Variants in PCLO observed in about 807,000 individuals in gnomAD.
PCLO encodes the protein protein piccolo.
PCLO carries 82 observed loss-of-function variants against 427.5 expected under a neutral mutation model. The ratio of observed to expected loss-of-function variants is 0.19; its 90% CI spans 0.16 to 0.23. The LOEUF is 0.23. Ranked by LOEUF, PCLO falls within the 10% of genes least tolerant of loss-of-function variation. The pLI is 1.00. For missense variants in PCLO, 6,239 were observed against 6,115.9 expected (o/e 1.02, Z -0.67); for synonymous variants, 2,357 against 2,155.4 (o/e 1.09, Z -2.59).
At chr7:82,862,182 A>G (rs1422498012) in intron 10 of PCLO, among the ~76,000 whole-genome samples, 2 of 152,054 alleles carry the variant, frequency 1.3e-5, no homozygotes, top group Non-Finnish European at 2.9e-5. Flanking sequence ...GTTTTTTGAA[A>G]CAGATATATG....
chr7:82,949,959 C>T lies in PCLO; in HGVS notation c.10629G>A (p.Val3543=). 1.9e-6 allele frequency: 3 copies of T among 1,613,556 alleles called. No homozygotes were observed. Among genetic ancestry groups the T allele is most frequent in the Non-Finnish European group, 2.5e-6 (3 of 1,179,798 alleles). The change falls in exon 6 of 25, where the codon GTG becomes GTA. Residue 3543 remains valine, a synonymous_variant. Transcript: ENST00000333891. The part of the protein sequence containing the change: ...TIRTPSIRAR[V]DAKVEIIKHI... ...GTTTAATTATTTCTACCTTGGCATC[C>T]ACTCGTGCCCGTATGGAGGGTGTTC...
rs757000211 is a variant in PCLO at position 82,953,565 on chromosome 7, TCTAGAGTAGTAACAG to T, written c.7373_7387del (p.Ala2458_Leu2462del). On this transcript the variant is annotated inframe_deletion, in exon 5 of 25. Coordinates refer to ENST00000333891, the MANE Select transcript of PCLO (RefSeq NM_033026.6). Reference sequence around the variant, plus strand: ...ATTACTTCTCAGAACAGCTGTGGTCTCTAGAGTAGTAACAGCATCAAACAGAGGTGTAGCTGTAGT... The same window carrying T: ...ATTACTTCTCAGAACAGCTGTGGTCTCATCAAACAGAGGTGTAGCTGTAGT... The T allele has an allele frequency of 8.7e-6, 14 of 1,612,914 alleles. No homozygotes were observed. The South Asian group carries it at 1.5e-4, about 18-fold the overall frequency.
At position 83,134,903 on chromosome 7, in the gene PCLO, G is replaced by C. The variant is rs1182209599; in HGVS notation, c.2647C>G (p.Pro883Ala). Reference protein sequence around the residue: ...KGSPTPPGPRPTAGQTVPTPQ... With the variant: ...KGSPTPPGPRATAGQTVPTPQ... ...GTGGGGACAGTTTGGCCAGCGGTAG[G>C]TCGTGGGCCAGGGGGTGTTGGTGAC... Residue 883 changes from proline to alanine, a missense_variant, in exon 3 of 25, where the codon CCT becomes GCT. Physicochemically the swap from Pro to Ala is conservative, Grantham distance 27 (BLOSUM62 -1). Around this residue, in one of 5 missense-constraint regions of PCLO, gnomAD observed 4,677 missense variants for 4,468.4 expected, o/e 1.05. Transcript: ENST00000333891. 1.9e-6 allele frequency: 3 copies of C among 1,603,148 alleles called. No homozygotes were observed. The East Asian group carries it at 6.7e-5, about 36-fold the overall frequency.
intron 3 of PCLO, among the ~76,000 whole-genome samples, chr7:82,988,262 C>G (rs1796299045): frequency 6.6e-6 from 1 of 151,988 alleles, no homozygotes; most frequent in South Asian, 2.1e-4. Flanking sequence ...ACTCCTGACT[C>G]AAGCCATCCT....
At chr7:82,965,660 T>G in intron 4 of PCLO, 111 bp downstream of exon 4, 1 of 662,440 alleles carries the variant, frequency 1.5e-6, no homozygotes, top group Non-Finnish European at 2.5e-6. Context: ...ATGTCATTCA[T>G]TGTTTGAGGA....
intron 3 of PCLO, among the ~76,000 whole-genome samples, chr7:83,064,900 G>A (rs1215151613): frequency 6.6e-6 from 1 of 151,824 alleles, no homozygotes; most frequent in African/African-American, 2.4e-5. Context: ...TTTCTCCAAA[G>A]GGAACAATAA....
At chr7:83,071,844 T>A (rs1024139534) in intron 3 of PCLO, among the ~76,000 whole-genome samples, 1 of 152,288 alleles carries the variant, frequency 6.6e-6, no homozygotes, top group African/African-American at 2.4e-5. Flanking sequence ...AAGAAAATAC[T>A]CTTCAAAGAA....
Position 83,086,450 on chromosome 7 carries a change from C to A in PCLO, c.3300+47800G>T, listed in dbSNP as rs150941819. ...ACTAAATAAAGGGGGTGAAAAACTT[C>A]CTTATTGATAATGACAGGTAAAACC... On this transcript the variant is annotated intron_variant, in intron 3 of 24. Transcript: ENST00000333891. 9.2e-5 allele frequency among the ~76,000 whole-genome samples: 14 copies of A among 151,840 alleles called. No homozygotes were observed. The East Asian group carries it at 2.7e-3, about 30-fold the overall frequency.
chr7:83,038,794 G>A (rs920398010), intron 3 of PCLO, among the ~76,000 whole-genome samples: 7 of 151,980 alleles, frequency 4.6e-5, no homozygotes, highest in African/African-American at 1.7e-4. Context: ...GTCATTTGAA[G>A]AACTGTCAGA....
chr7:83,102,038 T>C (rs1284456665), intron 3 of PCLO, among the ~76,000 whole-genome samples: 4 of 152,048 alleles, frequency 2.6e-5, no homozygotes, highest in Non-Finnish European at 5.9e-5. Context: ...AACGTTTTTG[T>C]TAGAGTTGAA....
At chr7:82,909,092 C>G (rs939162313) in intron 7 of PCLO, 79 bp from the exon 8 acceptor site, 39 of 1,337,452 alleles carry the variant, frequency 2.9e-5, no homozygotes, top group Non-Finnish European at 4.0e-5. Flanking sequence ...TTCTGTAGTA[C>G]TAGCATGCAC....
chr7:83,004,894 T>C (rs1787910429), intron 3 of PCLO, among the ~76,000 whole-genome samples: 1 of 151,534 alleles, frequency 6.6e-6, no homozygotes, highest in Admixed American at 6.6e-5. Flanking sequence ...TTATAAGTCA[T>C]ACAAGTAAAT....
intron 1 of PCLO, among the ~76,000 whole-genome samples, chr7:83,158,372 A>G (rs1584101849): frequency 6.6e-6 from 1 of 152,060 alleles, no homozygotes; most frequent in African/African-American, 2.4e-5. Context: ...TAAATCTTCT[A>G]TATTTACTTA....
intron 3 of PCLO, among the ~76,000 whole-genome samples, chr7:83,025,955 C>T (rs1359638607): frequency 6.6e-6 from 1 of 151,834 alleles, no homozygotes; most frequent in Non-Finnish European, 1.5e-5. Flanking sequence ...CTGAAGGAAG[C>T]GCTAAACATG....
At chr7:82,939,816 TC>T (rs1478409081) in intron 6 of PCLO, among the ~76,000 whole-genome samples, 3 of 150,890 alleles carry the variant, frequency 2.0e-5, no homozygotes, top group Non-Finnish European at 4.4e-5. Context: ...GTGAAATAGC[TC>T]CCTTAAAATT....
At chr7:82,917,679 C>T (rs879652934) in intron 6 of PCLO, among the ~76,000 whole-genome samples, 2 of 151,934 alleles carry the variant, frequency 1.3e-5, no homozygotes, top group Non-Finnish European at 2.9e-5. Flanking sequence ...TTCAATTTAC[C>T]TAAGTATTCA....
intron 5 of PCLO, among the ~76,000 whole-genome samples, 161 bp from the exon 6 acceptor site, chr7:82,951,651 C>T (rs1349972680): frequency 1.4e-5 from 2 of 146,634 alleles, no homozygotes; most frequent in African/African-American, 2.8e-5. Flanking sequence ...AACATGCAGG[C>T]GCATGCAGTG....
intron 6 of PCLO, among the ~76,000 whole-genome samples, chr7:82,946,592 T>TA (rs769589504): frequency 8.6e-4 from 131 of 151,970 alleles, no homozygotes; most frequent in Non-Finnish European, 1.5e-3. Flanking sequence ...TCTGGGGAGA[T>TA]AGAGGCACAG....
chr7:82,924,434 G>GAACTGTATTTATTA (rs1325855715), intron 6 of PCLO, among the ~76,000 whole-genome samples: 1 of 151,954 alleles, frequency 6.6e-6, no homozygotes, highest in Non-Finnish European at 1.5e-5. Context: ...TTAGAACACA[G>GAACTGTATTTATTA]GAAGAAAAAG....
Sources: allele counts gnomAD v4.1 joint callset (sites outside exome capture counted in the v4.1 genomes callset), GRCh38; gene constraint gnomAD v4.1.1; regional missense constraint gnomAD v4.1.1; transcripts MANE v1.5; gene names NCBI Gene and HGNC (gene_info 2026-07-23, HGNC 2026-07-21).